Variants in CAMKK1 observed in about 807,000 individuals in gnomAD.
CAMKK1 encodes the protein calcium/calmodulin dependent protein kinase kinase 1, also known as calcium/calmodulin-dependent protein kinase kinase 1.
CAMKK1 carries 20 observed loss-of-function variants against 63.5 expected under a neutral mutation model. The ratio of observed to expected loss-of-function variants is 0.32; its 90% confidence interval spans 0.22 to 0.46. The LOEUF is 0.46. CAMKK1 is among the 20% of genes least tolerant of loss of function. The pLI, the probability that CAMKK1 is intolerant of heterozygous loss-of-function variation, is 1.00. For synonymous variants in CAMKK1, 253 were observed against 269.0 expected (o/e 0.94, Z 0.58); for missense variants, 588 against 658.1 (o/e 0.89, Z 1.17).
chr17:3,869,446 G>T (rs776379628), intron 14 of CAMKK1, 41 bp downstream of exon 14: 1 of 1,612,684 alleles, frequency 6.2e-7, no homozygotes, highest in East Asian at 2.2e-5. Flanking sequence ...AGGTCCCCCA[G>T]GCCCTCCAGG....
chr17:3,888,608 C>G (rs981086417), intron 1 of CAMKK1, among the ~76,000 whole-genome samples: 8 of 152,196 alleles, frequency 5.3e-5, no homozygotes, highest in Admixed American at 5.2e-4. Context: ...CTAAGGAGGC[C>G]GTAAAAGTGA....
At chr17:3,869,714 T>G in intron 13 of CAMKK1, 87 bp downstream of exon 13, 1 of 1,593,012 alleles carries the variant, frequency 6.3e-7, no homozygotes, top group Non-Finnish European at 8.6e-7. Flanking sequence ...CCAACACACA[T>G]GCATCCTGGT....
At chr17:3,865,235 C>T in intron 15 of CAMKK1, 2 of 985,776 alleles carry the variant, frequency 2.0e-6, no homozygotes, top group Non-Finnish European at 2.4e-6. Flanking sequence ...TGGGGAGCTG[C>T]TTTTCTGGAC....
rs765327788 is a variant in CAMKK1, at chr17:3,869,592, G to A, written c.1236C>T (p.Asn412=). 80 of 1,614,098 alleles carry A rather than the reference G, an allele frequency of 5.0e-5. No individual in the cohort carries two copies. Among genetic ancestry groups the A allele is most frequent in the East Asian group, 6.7e-5 (3 of 44,884 alleles). ...CCTCCGAAGGAAGGGGCTCCTCCCCGTTCTTGGTCACCCAAGGGTGCAACT... is the reference window on the plus strand; with the variant it reads ...CCTCCGAAGGAAGGGGCTCCTCCCCATTCTTGGTCACCCAAGGGTGCAACT... The part of the protein sequence containing the change: ...DIKLHPWVTK[N]GEEPLPSEEE... Residue 412 remains asparagine, a synonymous_variant, in exon 14 of 16, where the codon AAC becomes AAT. Transcript: ENST00000348335.
chr17:3,864,594 C>T (rs2054444650), intron 15 of CAMKK1, among the ~76,000 whole-genome samples: 1 of 152,156 alleles, frequency 6.6e-6, no homozygotes, highest in African/African-American at 2.4e-5. Context: ...CAAAAATGTC[C>T]CCATTTGGAC....
rs775672196 is a variant in CAMKK1, at chr17:3,890,686, C to T, written c.-44+2253G>A. The T allele has an allele frequency of 5.1e-6, 4 of 779,706 alleles. No homozygotes were observed. The highest frequency in any genetic ancestry group is 1.7e-5 in the Admixed American group (1 of 59,020). 48.3% of individuals were successfully genotyped at this position (779,706 alleles called of 1,614,324 possible). On this transcript the variant is annotated intron_variant, in intron 1 of 15. Transcript: ENST00000348335. This position sits in a 1 kb window ranked among gnomAD's most constrained non-coding sequence, Gnocchi z 6.5. Reference sequence around the variant, plus strand: ...CCCACCCTTGCTCCCCACAACCCCACACTTACTCTCCACTGCAGCCACACC... The same window carrying T: ...CCCACCCTTGCTCCCCACAACCCCATACTTACTCTCCACTGCAGCCACACC...
chr17:3,885,987 G>A (rs889247503), intron 1 of CAMKK1, among the ~76,000 whole-genome samples: 2 of 152,246 alleles, frequency 1.3e-5, no homozygotes, highest in African/African-American at 2.4e-5. Context: ...GCTTCACAGG[G>A]AAGCAGAGAG....
At chr17:3,868,948 C>T (rs8078122) in intron 14 of CAMKK1, among the ~76,000 whole-genome samples, 80,066 of 147,040 alleles carry the variant, frequency 0.54, 22,459 homozygotes, top group African/African-American at 0.71. Flanking sequence ...CCACCGCGCC[C>T]GGTATTTCTT....
chr17:3,868,090 C>A (rs142645646), intron 14 of CAMKK1, among the ~76,000 whole-genome samples: 32,343 of 45,010 alleles, frequency 0.72, 11,636 homozygotes, highest in East Asian at 0.81. Flanking sequence ...GATACGTGGG[C>A]TCTGGGGGAG....
intron 14 of CAMKK1, among the ~76,000 whole-genome samples, chr17:3,867,943 A>G (rs1411652537): frequency 2.7e-5 from 4 of 150,940 alleles, no homozygotes; most frequent in Non-Finnish European, 4.4e-5. Flanking sequence ...TAGGGGAGAC[A>G]CAGGCACTGT....
Position 3,879,958 on chromosome 17 carries a change from C to T in CAMKK1, c.796+388G>A. 4.3e-6 allele frequency: 1 copy of T among 231,698 alleles called. No individual in the cohort carries two copies. Among genetic ancestry groups the T allele is most frequent in the African/African-American group, 2.3e-5 (1 of 44,268 alleles). 14.4% of individuals were successfully genotyped at this position (231,698 alleles called of 1,614,324 possible). A position where few individuals can be genotyped will look rare whatever the true frequency, so the allele number is the denominator to read the frequency against. On this transcript the variant is annotated intron_variant, in intron 9 of 15. Coordinates refer to ENST00000348335, the MANE Select transcript of CAMKK1 (RefSeq NM_032294.3). This position sits in a 1 kb window ranked among gnomAD's most constrained non-coding sequence, Gnocchi z 4.5. ...TAGGGCCCCTCACAGGTAAATCCACCCTGCCACCATGCCCCGGCCCCATGC... is the reference window on the plus strand; with the variant it reads ...TAGGGCCCCTCACAGGTAAATCCACTCTGCCACCATGCCCCGGCCCCATGC...
chr17:3,862,062 T>G lies in CAMKK1; in HGVS notation c.*149A>C. 1 of 637,996 alleles carries G rather than the reference T, an allele frequency of 1.6e-6. No homozygotes were observed. The allele number at this position is 637,996 out of a possible 1,614,324, so 39.5% of individuals were successfully genotyped here. A position where few individuals can be genotyped will look rare whatever the true frequency, so the allele number is the denominator to read the frequency against. On this transcript the variant is annotated 3_prime_UTR_variant, in exon 16 of 16. Transcript: ENST00000348335. This position sits in a 1 kb window ranked among gnomAD's most constrained non-coding sequence, Gnocchi z 4.1. Reference sequence around the variant, plus strand: ...CAGTCTGTCCCTGGACGTGCGTGCGTGGAGGTCATGCAGCACGATGGGGGA... The same window carrying G: ...CAGTCTGTCCCTGGACGTGCGTGCGGGGAGGTCATGCAGCACGATGGGGGA...
In CAMKK1 at chr17:3,883,568, C is replaced by G; in HGVS notation, c.463-88G>C. ...ACATGTGGACTGAGGTCCGGAGAGG[C>G]ACACTGGACATCTGCTACTGGCCCT... On this transcript the variant is annotated intron_variant, in intron 4 of 15. Transcript: ENST00000348335. This position sits in a 1 kb window ranked among gnomAD's most constrained non-coding sequence, Gnocchi z 4.7. 1 of 1,062,416 alleles carries G rather than the reference C, an allele frequency of 9.4e-7. No individual in the cohort carries two copies. Among genetic ancestry groups the G allele is most frequent in the Non-Finnish European group, 1.5e-6 (1 of 677,982 alleles). The allele number at this position is 1,062,416 out of a possible 1,614,324, so 65.8% of individuals were successfully genotyped here.
Position 3,883,984 on chromosome 17 carries a change from C to T in CAMKK1, c.409-47G>A, listed in dbSNP as rs1318481794. ...CCCCACCTGGACAGGGCAACCCCTC[C>T]CAGGACCAGCTCAGGAGGTGGGGAG... On this transcript the variant is annotated intron_variant, in intron 3 of 15. Transcript: ENST00000348335. This position sits in a 1 kb window ranked among gnomAD's most constrained non-coding sequence, Gnocchi z 4.7. The T allele has an allele frequency of 6.3e-7, 1 of 1,593,038 alleles. No individual in the cohort carries two copies. The highest frequency in any genetic ancestry group is 8.6e-7 in the Non-Finnish European group (1 of 1,163,656).
intron 15 of CAMKK1, 29 bp downstream of exon 15, chr17:3,865,879 C>T (rs763530084): frequency 6.2e-7 from 1 of 1,613,550 alleles, no homozygotes; most frequent in East Asian, 2.2e-5. Context: ...CAGGGAGTGC[C>T]CGGCAGTCCC....
At position 3,867,345 on chromosome 17, in the gene CAMKK1, G is replaced by A. The variant is rs740792; in HGVS notation, c.1342-1334C>T. On this transcript the variant is annotated intron_variant, in intron 14 of 15. Coordinates refer to ENST00000348335, the MANE Select transcript of CAMKK1 (RefSeq NM_032294.3). Reference sequence around the variant, plus strand: ...TGGCCAGAGACGAGTGCATGATGGCGGGACGGTGCACGAGCCCCGCAGAAA... The same window carrying A: ...TGGCCAGAGACGAGTGCATGATGGCAGGACGGTGCACGAGCCCCGCAGAAA... Among the ~76,000 whole-genome samples the A allele has an allele frequency of 1.9e-4, 29 of 152,312 alleles. 1 individual carries two copies. The South Asian group carries it at 5.4e-3, about 28-fold the overall frequency.
At chr17:3,881,002 C>T (rs1037138641) in intron 8 of CAMKK1, among the ~76,000 whole-genome samples, 2 of 152,208 alleles carry the variant, frequency 1.3e-5, no homozygotes, top group Non-Finnish European at 2.9e-5. Context: ...TGTAGGGAGC[C>T]GCCCAGGCAA....
In CAMKK1 at chr17:3,893,006, C is replaced by G. The variant is rs2055960541; in HGVS notation, c.-111G>C. The G allele has an allele frequency of 1.3e-5, 2 of 148,790 alleles. No individual in the cohort carries two copies. The highest frequency in any genetic ancestry group is 3.0e-5 in the Non-Finnish European group (2 of 66,412). 9.2% of individuals were successfully genotyped at this position (148,790 alleles called of 1,614,324 possible). On this transcript the variant is annotated 5_prime_UTR_variant, in exon 1 of 16. Coordinates refer to ENST00000348335, the MANE Select transcript of CAMKK1 (RefSeq NM_032294.3). This position sits in a 1 kb window ranked among gnomAD's most constrained non-coding sequence, Gnocchi z 4.6. ...CACTCGCTCCTGCTGCGCGCCCCGC[C>G]CCGCCCCGCCCCGCCCCACCGCCTC... is the stretch of plus-strand genomic sequence containing the variant.
intron 1 of CAMKK1, among the ~76,000 whole-genome samples, chr17:3,886,892 G>A (rs1031785817): frequency 4.6e-5 from 7 of 152,200 alleles, no homozygotes; most frequent in South Asian, 4.1e-4. Context: ...CCCTGCTTGC[G>A]CTGGACTCTG....
Sources: allele counts gnomAD v4.1 joint callset (sites outside exome capture counted in the v4.1 genomes callset), GRCh38; gene constraint gnomAD v4.1.1; non-coding constraint Gnocchi (gnomAD v3.1); transcripts MANE v1.5; gene names NCBI Gene and HGNC (gene_info 2026-07-23, HGNC 2026-07-21).